Variants in TPR observed in about 807,000 individuals in gnomAD.
TPR encodes the protein nucleoprotein TPR.
TPR carries 51 observed loss-of-function variants against 316.1 expected under a neutral mutation model. The observed-to-expected ratio is 0.16, with a 90% CI of 0.13 to 0.20. The LOEUF is 0.20. Among genes scored for constraint, TPR ranks in the 10% least tolerant of loss-of-function variants. TPR has a pLI of 1.00. For missense variants in TPR, 2,272 were observed against 2,754.8 expected (o/e 0.82, Z 3.92); for synonymous variants, 981 against 914.7 (o/e 1.07, Z -1.31).
At chr1:186,332,074 A>C in intron 38 of TPR, 121 bp downstream of exon 38, 1 of 1,074,150 alleles carries the variant, frequency 9.3e-7, no homozygotes, top group Non-Finnish European at 1.3e-6. Flanking sequence ...AAGTTCAATA[A>C]AAGTGTTTTC....
intron 17 of TPR, among the ~76,000 whole-genome samples, chr1:186,355,090 A>T (rs1217483764): frequency 6.6e-6 from 1 of 152,036 alleles, no homozygotes; most frequent in Non-Finnish European, 1.5e-5. Context: ...TTTTTAGTAG[A>T]GATGGGGTTT....
At chr1:186,324,223 A>G (rs945957750) in intron 42 of TPR, among the ~76,000 whole-genome samples, 11 of 151,612 alleles carry the variant, frequency 7.3e-5, no homozygotes, top group Non-Finnish European at 1.3e-4. Context: ...AACATTAAAA[A>G]CACTAAAATT....
Position 186,327,192 on chromosome 1 carries a change from T to TAA in TPR, c.5889+267_5889+268insTT, listed in dbSNP as rs1491493356. Among the ~76,000 whole-genome samples the TAA allele has an allele frequency of 4.7e-3, 2 of 428 alleles. 1 individual carries two copies. Among genetic ancestry groups the TAA allele is most frequent in the Admixed American group, 0.04 (2 of 50 alleles). The allele number at this position is 428 out of a possible 152,430, so 0.3% of individuals were successfully genotyped here. ...TATATATTATATATATAAATATATA[T>TAA]TATATATTTATATATATAATATATA... On this transcript the variant is annotated intron_variant, in intron 40 of 50. Coordinates refer to ENST00000367478, the MANE Select transcript of TPR (RefSeq NM_003292.3).
In TPR at chr1:186,339,706, C is replaced by T. The variant is rs1658449410; in HGVS notation, c.4087G>A (p.Val1363Ile). 6.2e-7 allele frequency: 1 copy of T among 1,603,190 alleles called. No individual in the cohort carries two copies. Among genetic ancestry groups the T allele is most frequent in the African/African-American group, 1.3e-5 (1 of 74,414 alleles). The change falls in exon 30 of 51, where the codon GTT becomes ATT. Residue 1363 changes from valine (V) to isoleucine (I), a missense_variant. Val to Ile is a conservative substitution (Grantham distance 29). Coordinates refer to ENST00000367478, the MANE Select transcript of TPR (RefSeq NM_003292.3). The part of the protein sequence containing the change: ...EYRKLLSEKE[V>I]HTKRIQQLTE... The stretch of plus-strand genomic sequence containing the variant: ...AATTGTTGAATACGCTTAGTATGAA[C>T]TTCCTTTTCAGAAAGGAGCTTCCGA...
intron 21 of TPR, among the ~76,000 whole-genome samples, chr1:186,349,677 T>A (rs929287668): frequency 1.4e-3 from 206 of 146,166 alleles, no homozygotes; most frequent in Admixed American, 7.6e-3. Flanking sequence ...AAAAAAAAAA[T>A]AAATAAATAA....
chr1:186,349,189 C>T (rs572642250), intron 21 of TPR, among the ~76,000 whole-genome samples: 5 of 152,324 alleles, frequency 3.3e-5, no homozygotes, highest in African/African-American at 1.2e-4. Flanking sequence ...AATCATCTAA[C>T]ACAAAGCCTA....
At chr1:186,366,528 A>G (rs2101989353) in intron 4 of TPR, among the ~76,000 whole-genome samples, 1 of 152,306 alleles carries the variant, frequency 6.6e-6, no homozygotes, top group South Asian at 2.1e-4. Context: ...TGTGGGGGGA[A>G]TCAGCAACCC....
intron 40 of TPR, among the ~76,000 whole-genome samples, chr1:186,326,737 T>A (rs1284177213): frequency 1.3e-5 from 2 of 150,794 alleles, no homozygotes; most frequent in African/African-American, 2.4e-5. Context: ...ACAAAAACAA[T>A]TCTTGTTTCT....
chr1:186,343,808 T>C (rs1658591470), intron 26 of TPR, 98 bp downstream of exon 26: 1 of 1,098,630 alleles, frequency 9.1e-7, no homozygotes, highest in Non-Finnish European at 1.3e-6. Context: ...GAACTTTATA[T>C]CAAAATCGTG....
At position 186,360,856 on chromosome 1, in the gene TPR, A is replaced by G. The variant is rs757987899; in HGVS notation, c.1008T>C (p.Asp336=). The part of the protein sequence containing the change: ...DHLLEVEQSK[D]QMEKEMLEKI... ...TCTCAAGCATTTCTTTTTCCATTTGATCTTTGGATTGCTCCACCTCTAGAA... is the reference window on the plus strand; with the variant it reads ...TCTCAAGCATTTCTTTTTCCATTTGGTCTTTGGATTGCTCCACCTCTAGAA... Residue 336 remains aspartate, a synonymous_variant, in exon 10 of 51, where the codon GAT becomes GAC. Transcript: ENST00000367478. 6.2e-7 allele frequency: 1 copy of G among 1,612,762 alleles called. No individual in the cohort carries two copies. The highest frequency in any genetic ancestry group is 8.5e-7 in the Non-Finnish European group (1 of 1,179,244).
chr1:186,347,585 C>A, intron 21 of TPR, 127 bp from the exon 22 acceptor site: 1 of 953,270 alleles, frequency 1.0e-6, no homozygotes, highest in Non-Finnish European at 1.4e-6. Flanking sequence ...TATTTCAATC[C>A]ATGCCGAATA....
chr1:186,333,624 G>A (rs1245527518), intron 36 of TPR, among the ~76,000 whole-genome samples: 1 of 152,006 alleles, frequency 6.6e-6, no homozygotes, highest in Non-Finnish European at 1.5e-5. Context: ...AACTGATTTT[G>A]CATCTATTCA....
intron 20 of TPR, 107 bp downstream of exon 20, chr1:186,351,223 A>G: frequency 1.5e-6 from 2 of 1,318,348 alleles, no homozygotes; most frequent in Non-Finnish European, 2.0e-6. Flanking sequence ...ACTTAGTAAC[A>G]AAGTTTTTCA....
At chr1:186,333,050 T>C in intron 37 of TPR, 72 bp downstream of exon 37, 1 of 1,518,126 alleles carries the variant, frequency 6.6e-7, no homozygotes, top group Non-Finnish European at 8.9e-7. Flanking sequence ...TCAAGATATA[T>C]ATACTCAAGA....
At position 186,313,110 on chromosome 1, in the gene TPR, G is replaced by A. The variant is rs976493865; in HGVS notation, c.*861C>T. 9 of 554,198 alleles carry A rather than the reference G, an allele frequency of 1.6e-5. No individual in the cohort carries two copies. Among genetic ancestry groups the A allele is most frequent in the Admixed American group, 9.2e-5 (3 of 32,728 alleles). 34.3% of individuals were successfully genotyped at this position (554,198 alleles called of 1,614,324 possible). On this transcript the variant is annotated 3_prime_UTR_variant, in exon 51 of 51. Coordinates refer to ENST00000367478, the MANE Select transcript of TPR (RefSeq NM_003292.3). ...TCTGCTCTAACCTTCATGAGATTAC[G>A]ATAAAACATCCAGTTACTAGAGTAA...
chr1:186,343,152 C>G (rs986956312), intron 27 of TPR, 174 bp downstream of exon 27: 4 of 715,190 alleles, frequency 5.6e-6, no homozygotes, highest in African/African-American at 5.5e-5. Flanking sequence ...GGTTACAGAG[C>G]CTTTACTTTT....
Position 186,375,056 on chromosome 1 carries a change from A to C in TPR, c.-28T>G. On this transcript the variant is annotated 5_prime_UTR_variant, in exon 1 of 51. Transcript: ENST00000367478. Reference sequence around the variant, plus strand: ...CGGTGGGGCCAGGGACCCCAGTGGCAGCGGCCGACGGGGTAGAAGCGGAGA... The same window carrying C: ...CGGTGGGGCCAGGGACCCCAGTGGCCGCGGCCGACGGGGTAGAAGCGGAGA... The C allele has an allele frequency of 6.2e-7, 1 of 1,613,744 alleles. No individual in the cohort carries two copies. Among genetic ancestry groups the C allele is most frequent in the South Asian group, 1.1e-5 (1 of 91,078 alleles).
chr1:186,334,374 A>G lies in TPR; in HGVS notation c.5133T>C (p.Thr1711=), dbSNP rs2102066323. The G allele has an allele frequency of 6.2e-7, 1 of 1,613,480 alleles. No individual in the cohort carries two copies. The highest frequency in any genetic ancestry group is 8.5e-7 in the Non-Finnish European group (1 of 1,179,664). Residue 1711 remains threonine (T), a synonymous_variant, in exon 36 of 51, where the codon ACT becomes ACC. Coordinates refer to ENST00000367478, the MANE Select transcript of TPR (RefSeq NM_003292.3). ...VTPATVTNPT[T]TPTATVMPTT... ...TGGGCATCACTGTAGCTGTTGGGGT[A>G]GTAGTGGGATTTGTAACAGTTGCAG...
intron 40 of TPR, 58 bp from the exon 41 acceptor site, chr1:186,326,293 C>G: frequency 6.5e-7 from 1 of 1,547,204 alleles, no homozygotes; most frequent in Non-Finnish European, 8.7e-7. Context: ...ACATGCTCTG[C>G]ATGTCTAGAT....
Sources: allele counts gnomAD v4.1 joint callset (sites outside exome capture counted in the v4.1 genomes callset), GRCh38; gene constraint gnomAD v4.1.1; transcripts MANE v1.5; gene names NCBI Gene and HGNC (gene_info 2026-07-23, HGNC 2026-07-21).